Variants in TMEM132B observed in about 807,000 individuals in gnomAD.
The protein encoded by TMEM132B is transmembrane protein 132B.
In TMEM132B, 18 loss-of-function variants were observed where a neutral mutation model predicts 90.8. That is an observed-to-expected ratio of 0.20 (90% CI 0.14 to 0.29). The LOEUF (loss-of-function observed/expected upper bound fraction) is 0.29, where lower values mean the gene tolerates loss of function less well. Ranked by LOEUF, TMEM132B falls within the 10% of genes least tolerant of loss-of-function variation. TMEM132B has a pLI of 1.00. For synonymous variants in TMEM132B, 504 were observed against 523.3 expected (o/e 0.96, Z 0.50); for missense variants, 1,096 against 1,326.8 (o/e 0.83, Z 2.70).
chr12:125,394,570 A>G (rs185601556), intron 2 of TMEM132B, among the ~76,000 whole-genome samples: 1 of 152,332 alleles, frequency 6.6e-6, no homozygotes, highest in Admixed American at 6.5e-5. Flanking sequence ...AAGGGGGACA[A>G]GAGAAGTCAT....
intron 3 of TMEM132B, among the ~76,000 whole-genome samples, chr12:125,501,045 G>C (rs1038890357): frequency 9.9e-5 from 15 of 152,196 alleles, no homozygotes; most frequent in African/African-American, 3.6e-4. Context: ...ATCGAATAAA[G>C]GGAGAGCCAG....
intron 5 of TMEM132B, among the ~76,000 whole-genome samples, chr12:125,633,227 A>C (rs952214164): frequency 6.6e-6 from 1 of 152,122 alleles, no homozygotes; most frequent in Non-Finnish European, 1.5e-5. Flanking sequence ...TGCGTTCTTC[A>C]GTATGTCAAT....
In TMEM132B at chr12:125,251,900, CAGTT is replaced by C. The variant is rs1230377619; in HGVS notation, c.67+65037_67+65040del. Among the ~76,000 whole-genome samples the C allele has an allele frequency of 5.9e-5, 9 of 152,198 alleles. No individual in the cohort carries two copies. Among genetic ancestry groups the C allele is most frequent in the Non-Finnish European group, 1.5e-5 (1 of 68,038 alleles). ...AAGAACAATACAGCACTTTAGAACA[CAGTT>C]AGGTGCCACATCTGGCCTGAAGGCC... is the stretch of plus-strand genomic sequence containing the variant. On this transcript the variant is annotated intron_variant, in intron 1 of 8. Coordinates refer to ENST00000682704, the MANE Select transcript of TMEM132B (RefSeq NM_001366854.1). The surrounding 1 kb of genome is among the most constrained non-coding windows in gnomAD (Gnocchi z 4.4).
At chr12:125,473,104 C>A (rs1445598861) in intron 3 of TMEM132B, among the ~76,000 whole-genome samples, 2 of 152,124 alleles carry the variant, frequency 1.3e-5, no homozygotes, top group African/African-American at 2.4e-5. Context: ...TATCTGGCAC[C>A]CTCCTCCTTA....
At chr12:125,199,597 T>G (rs1332575998) in intron 1 of TMEM132B, among the ~76,000 whole-genome samples, 2 of 152,138 alleles carry the variant, frequency 1.3e-5, no homozygotes, top group Non-Finnish European at 2.9e-5. Flanking sequence ...TGAAGAGACT[T>G]AAAATAGTGG....
intron 1 of TMEM132B, among the ~76,000 whole-genome samples, chr12:125,189,491 G>A (rs1420626379): frequency 2.0e-5 from 3 of 151,800 alleles, no homozygotes. Context: ...TGGCACCTTG[G>A]TGTGGCATGT....
At chr12:125,413,012 A>T (rs760287126) in intron 2 of TMEM132B, among the ~76,000 whole-genome samples, 14 of 152,102 alleles carry the variant, frequency 9.2e-5, no homozygotes, top group Non-Finnish European at 1.8e-4. Flanking sequence ...AAGAGCAAGC[A>T]GAAGGATGTC....
intron 4 of TMEM132B, among the ~76,000 whole-genome samples, chr12:125,523,771 GC>G (rs1883372148): frequency 6.6e-6 from 1 of 152,200 alleles, no homozygotes; most frequent in African/African-American, 2.4e-5. Context: ...CTCCCAGGCT[GC>G]TGCCTTGGGA....
intron 1 of TMEM132B, among the ~76,000 whole-genome samples, chr12:125,232,103 T>C (rs1031164375): frequency 1.3e-5 from 2 of 152,204 alleles, no homozygotes; most frequent in Non-Finnish European, 2.9e-5. Context: ...ACCTTACCCT[T>C]TGTAATAGCT....
At chr12:125,391,776 G>C (rs559472543) in intron 2 of TMEM132B, among the ~76,000 whole-genome samples, 44 of 152,208 alleles carry the variant, frequency 2.9e-4, no homozygotes, top group African/African-American at 9.9e-4. Context: ...TAATTAATTA[G>C]TTTTTTGAGA....
rs188301320 is a variant in TMEM132B at position 125,261,082 on chromosome 12, G to A, written c.67+74216G>A. ...GTTGTGTTTACATTGGCTGAATAGC[G>A]TACCTGCTTTTCCAGTGCAATGAAA... On this transcript the variant is annotated intron_variant, in intron 1 of 8. Coordinates refer to ENST00000682704, the MANE Select transcript of TMEM132B (RefSeq NM_001366854.1). Among the ~76,000 whole-genome samples, 150 of 152,262 alleles carry A rather than the reference G, an allele frequency of 9.9e-4. 2 individuals are homozygous for A. Among genetic ancestry groups the A allele is most frequent in the Admixed American group, 8.2e-3 (125 of 15,284 alleles).
intron 1 of TMEM132B, among the ~76,000 whole-genome samples, chr12:125,318,507 C>T (rs769310784): frequency 1.6e-4 from 25 of 152,150 alleles, no homozygotes; most frequent in Non-Finnish European, 2.4e-4. Context: ...TTTCCCGATG[C>T]TCTCCCTTCC....
At chr12:125,241,994 G>A (rs928892720) in intron 1 of TMEM132B, among the ~76,000 whole-genome samples, 2 of 152,200 alleles carry the variant, frequency 1.3e-5, no homozygotes, top group African/African-American at 4.8e-5. Flanking sequence ...GTCCCAGCAT[G>A]TAGCAGGTCC....
intron 1 of TMEM132B, among the ~76,000 whole-genome samples, chr12:125,232,161 T>C (rs76815441): frequency 0.021 from 3,229 of 152,284 alleles, 118 homozygotes; most frequent in African/African-American, 0.074. Context: ...TTAAAAAATC[T>C]CTCCATTGAT....
chr12:125,230,684 T>TTC (rs1555232982), intron 1 of TMEM132B, among the ~76,000 whole-genome samples: 11 of 150,776 alleles, frequency 7.3e-5, no homozygotes, highest in Non-Finnish European at 1.5e-4. Context: ...TTTTTTTTTT[T>TTC]CAGTAGAGAC....
At chr12:125,313,403 T>C (rs146391576) in intron 1 of TMEM132B, among the ~76,000 whole-genome samples, 1 of 152,046 alleles carries the variant, frequency 6.6e-6, no homozygotes, top group Non-Finnish European at 1.5e-5. Flanking sequence ...TTTAACTCTT[T>C]TATTCCTTCT....
In TMEM132B at chr12:125,653,938, G is replaced by A. The variant is rs142499535; in HGVS notation, c.2480G>A (p.Gly827Glu). The change falls in exon 9 of 9, where the codon GGA becomes GAA. Residue 827 changes from glycine (G) to glutamate (E), a missense_variant. By Grantham distance (98) the Gly-to-Glu change is moderately conservative. Coordinates refer to ENST00000682704, the MANE Select transcript of TMEM132B (RefSeq NM_001366854.1). ...DHLSNSIERE[G>E]NQERAVQEWF... ...CTCAGTAATTCCATAGAGCGCGAAGGAAACCAGGAGAGAGCAGTCCAGGAA... is the reference window on the plus strand; with the variant it reads ...CTCAGTAATTCCATAGAGCGCGAAGAAAACCAGGAGAGAGCAGTCCAGGAA... 481 of 1,614,182 alleles carry A rather than the reference G, an allele frequency of 3.0e-4. 4 individuals are homozygous for A. In the South Asian group the frequency reaches 5.2e-3, roughly 17 times the overall value.
intron 1 of TMEM132B, among the ~76,000 whole-genome samples, chr12:125,287,993 G>C (rs1172283166): frequency 6.6e-6 from 1 of 151,908 alleles, no homozygotes; most frequent in Non-Finnish European, 1.5e-5. Context: ...TCAGTCTCCT[G>C]AGTAGCTGGG....
chr12:125,572,282 A>C (rs940075151), intron 4 of TMEM132B, among the ~76,000 whole-genome samples: 1 of 152,234 alleles, frequency 6.6e-6, no homozygotes, highest in Non-Finnish European at 1.5e-5. Context: ...ATGCAACAGC[A>C]CTGGGAGCTG....
Sources: gnomAD v4.1 joint callset for allele counts (sites outside exome capture counted in the v4.1 genomes callset) on GRCh38, gnomAD v4.1.1 for gene constraint, Gnocchi (gnomAD v3.1) non-coding constraint, MANE v1.5 for transcripts, NCBI Gene and HGNC (gene_info 2026-07-23, HGNC 2026-07-21) for gene names.